Variants in KHDRBS2 observed in about 807,000 individuals in gnomAD.
The protein encoded by KHDRBS2 is KH domain-containing, RNA-binding, signal transduction-associated protein 2.
Under a neutral mutation model 44.3 loss-of-function variants are expected in KHDRBS2, and 26 were observed. That is an observed-to-expected ratio of 0.59 (90% CI 0.43 to 0.81). KHDRBS2 has a LOEUF of 0.81. KHDRBS2 is among the 40% of genes least tolerant of loss of function. The pLI is 0.00. For synonymous variants in KHDRBS2, 194 were observed against 151.1 expected (o/e 1.28, Z -2.08); for missense variants, 476 against 433.1 (o/e 1.10, Z -0.88).
chr6:61,542,728 G>A, the KHDRBS2 span, among the ~76,000 whole-genome samples: 1 of 151,770 alleles, frequency 6.6e-6, no homozygotes, highest in South Asian at 2.1e-4. Flanking sequence ...CATCTTTATT[G>A]TTTCCAAGGA....
the KHDRBS2 span, among the ~76,000 whole-genome samples, chr6:61,631,305 CAAAAAAAAAAAAA>C: frequency 1.8e-3 from 122 of 66,998 alleles, no homozygotes; most frequent in South Asian, 6.0e-3. Flanking sequence ...ACGAATAAGC[CAAAAAAAAAAAAA>C]AAAAAAAAAA....
chr6:62,197,756 C>G (rs1444996828), intron 1 of KHDRBS2, among the ~76,000 whole-genome samples: 1 of 152,168 alleles, frequency 6.6e-6, no homozygotes, highest in Non-Finnish European at 1.5e-5. Context: ...ATCTACAGAA[C>G]TCTCTACCCC....
chr6:61,824,994 A>T (rs9445459), intron 6 of KHDRBS2, among the ~76,000 whole-genome samples: 1,833 of 152,278 alleles, frequency 0.012, 44 homozygotes, highest in African/African-American at 0.042. Context: ...GCTATAGGTT[A>T]TTAAAATCTA....
intron 1 of KHDRBS2, among the ~76,000 whole-genome samples, chr6:62,284,950 T>C (rs2150199615): frequency 6.6e-6 from 1 of 152,212 alleles, no homozygotes; most frequent in East Asian, 1.9e-4. Context: ...GTAACCAATT[T>C]GATGATGAAG....
chr6:61,556,396 G>A, the KHDRBS2 span, among the ~76,000 whole-genome samples: 1 of 152,152 alleles, frequency 6.6e-6, no homozygotes, highest in South Asian at 2.1e-4. Context: ...TGGGAAAGAA[G>A]TCAAGCTTAT....
chr6:61,983,370 A>G (rs796091083), intron 3 of KHDRBS2, among the ~76,000 whole-genome samples: 23 of 151,160 alleles, frequency 1.5e-4, no homozygotes, highest in African/African-American at 4.9e-4. Flanking sequence ...GCTACCACAC[A>G]TGGCCATAAC....
intron 3 of KHDRBS2, among the ~76,000 whole-genome samples, chr6:62,010,515 G>A (rs955636050): frequency 6.6e-6 from 1 of 152,028 alleles, no homozygotes; most frequent in African/African-American, 2.4e-5. Context: ...GACCAGGGGT[G>A]GAATAATATG....
intron 2 of KHDRBS2, among the ~76,000 whole-genome samples, chr6:62,148,998 C>T (rs1814523667): frequency 6.6e-6 from 1 of 152,070 alleles, no homozygotes; most frequent in South Asian, 2.1e-4. Flanking sequence ...AAATTTATCC[C>T]TCTTTCCCCA....
chr6:61,893,903 A>AT (rs202158912), intron 6 of KHDRBS2, among the ~76,000 whole-genome samples: 9,789 of 139,716 alleles, frequency 0.07, 379 homozygotes, highest in Middle Eastern at 0.14. Context: ...TATAATAATA[A>AT]AAAAAAAAAC....
intron 2 of KHDRBS2, among the ~76,000 whole-genome samples, chr6:62,067,843 G>GT (rs1794105290): frequency 6.6e-6 from 1 of 151,502 alleles, no homozygotes; most frequent in African/African-American, 2.4e-5. Flanking sequence ...ACAACATGTG[G>GT]TTTTTCCTTT....
intron 4 of KHDRBS2, among the ~76,000 whole-genome samples, chr6:61,926,566 G>A (rs1162273112): frequency 6.6e-6 from 1 of 152,228 alleles, no homozygotes; most frequent in Middle Eastern, 3.4e-3. Flanking sequence ...CTAGGCAGGT[G>A]TTCAAGTCCA....
chr6:61,996,696 T>G (rs1777229003), intron 3 of KHDRBS2, among the ~76,000 whole-genome samples: 1 of 152,190 alleles, frequency 6.6e-6, no homozygotes, highest in Non-Finnish European at 1.5e-5. Flanking sequence ...CCTATTGCTC[T>G]TTTTGAGTCA....
intron 2 of KHDRBS2, among the ~76,000 whole-genome samples, chr6:62,093,319 G>A (rs1799833701): frequency 6.6e-6 from 1 of 151,550 alleles, no homozygotes; most frequent in Non-Finnish European, 1.5e-5. Flanking sequence ...TCAACTTAAT[G>A]TTTCAGGCAA....
rs139420321 is a variant in KHDRBS2, at chr6:61,811,284, G to A, written c.811-78520C>T. Reference sequence around the variant, plus strand: ...CATTTATGTTGCTGCGAAAAACATGGTCCTTTTTATGACCACATAGCATTC... The same window carrying A: ...CATTTATGTTGCTGCGAAAAACATGATCCTTTTTATGACCACATAGCATTC... On this transcript the variant is annotated intron_variant, in intron 6 of 8. Transcript: ENST00000281156. 7.2e-5 allele frequency among the ~76,000 whole-genome samples: 11 copies of A among 151,934 alleles called. No homozygotes were observed. In the East Asian group the frequency reaches 1.7e-3, roughly 24 times the overall value.
At chr6:62,240,027 T>A (rs1314427044) in intron 1 of KHDRBS2, among the ~76,000 whole-genome samples, 1 of 152,102 alleles carries the variant, frequency 6.6e-6, no homozygotes, top group East Asian at 1.9e-4. Flanking sequence ...TCAGAATACA[T>A]AGTACAGAGT....
intron 2 of KHDRBS2, among the ~76,000 whole-genome samples, chr6:62,098,115 T>C (rs1396480543): frequency 1.3e-5 from 2 of 152,140 alleles, no homozygotes; most frequent in East Asian, 1.9e-4. Flanking sequence ...AATATAGTCA[T>C]TTTTAACAAT....
intron 3 of KHDRBS2, among the ~76,000 whole-genome samples, chr6:62,017,708 T>C (rs1429690987): frequency 6.6e-6 from 1 of 152,140 alleles, no homozygotes; most frequent in East Asian, 1.9e-4. Context: ...TTCAGAGATC[T>C]AGAGCTAAAC....
At chr6:61,546,760 C>T in the KHDRBS2 span, among the ~76,000 whole-genome samples, 1 of 152,112 alleles carries the variant, frequency 6.6e-6, no homozygotes, top group Admixed American at 6.6e-5. Flanking sequence ...TACCACCACA[C>T]AGTTCAAATA....
At chr6:61,917,379 G>A (rs990462724) in intron 4 of KHDRBS2, among the ~76,000 whole-genome samples, 3 of 151,874 alleles carry the variant, frequency 2.0e-5, no homozygotes, top group Non-Finnish European at 4.4e-5. Flanking sequence ...TATATCAAGT[G>A]AAAGAATTCC....
Sources: gnomAD v4.1 joint callset for allele counts (sites outside exome capture counted in the v4.1 genomes callset) on GRCh38, gnomAD v4.1.1 for gene constraint, MANE v1.5 for transcripts, NCBI Gene and HGNC (gene_info 2026-07-23, HGNC 2026-07-21) for gene names.